The following NEO1 variants were observed in gnomAD, a reference collection of about 807,000 sequenced individuals.
The protein encoded by NEO1 is neogenin 1, also known as neogenin.
NEO1 carries 63 observed loss-of-function variants against 159.7 expected under a neutral mutation model. The ratio of observed to expected loss-of-function variants is 0.39; its 90% CI spans 0.32 to 0.49. The LOEUF (loss-of-function observed/expected upper bound fraction) is 0.49, where lower values mean the gene tolerates loss of function less well. Ranked by LOEUF, NEO1 falls within the 20% of genes least tolerant of loss-of-function variation. The pLI is 0.85. For synonymous variants in NEO1, 633 were observed against 662.0 expected (o/e 0.96, Z 0.67); for missense variants, 1,615 against 1,831.0 (o/e 0.88, Z 2.15).
In NEO1 at chr15:73,236,345, A is replaced by G. The variant is rs1258216395; in HGVS notation, c.1292-2A>G. 1.2e-6 allele frequency: 2 copies of G among 1,613,990 alleles called. No homozygotes were observed. Among genetic ancestry groups the G allele is most frequent in the Non-Finnish European group, 1.7e-6 (2 of 1,180,028 alleles). Reference sequence around the variant, plus strand: ...TGACCAGTGCCACTACTGACCATCTAGCACCAGCCACAACGGGACCACTGC... The same window carrying G: ...TGACCAGTGCCACTACTGACCATCTGGCACCAGCCACAACGGGACCACTGC... On this transcript the variant is annotated splice_acceptor_variant, in intron 7 of 28. Coordinates refer to ENST00000261908, the MANE Select transcript of NEO1 (RefSeq NM_002499.4). LOFTEE classifies it high-confidence loss of function.
At chr15:73,081,686 C>T (rs753480034) in intron 1 of NEO1, among the ~76,000 whole-genome samples, 1 of 151,862 alleles carries the variant, frequency 6.6e-6, no homozygotes, top group Non-Finnish European at 1.5e-5. Flanking sequence ...AGCAATCTTC[C>T]CACCTTAGCC....
chr15:73,071,221 G>A (rs1206525979), intron 1 of NEO1, among the ~76,000 whole-genome samples: 2 of 152,072 alleles, frequency 1.3e-5, no homozygotes, highest in Non-Finnish European at 2.9e-5. Flanking sequence ...GTGCAGGCAT[G>A]AACCATCGTG....
In NEO1 at chr15:73,224,032, A is replaced by G. The variant is rs560264514; in HGVS notation, c.1292-12315A>G. Among the ~76,000 whole-genome samples the G allele has an allele frequency of 8.1e-4, 124 of 152,292 alleles. 2 individuals carry two copies. The South Asian group carries it at 0.018, about 22-fold the overall frequency. ...TCTTTCAGCATTTGCTTGTCTGGAA[A>G]AGACTGTATCTTTCCTTCATATGTG... On this transcript the variant is annotated intron_variant, in intron 7 of 28. Transcript: ENST00000261908.
At chr15:73,271,768 G>T (rs916396596) in intron 18 of NEO1, among the ~76,000 whole-genome samples, 2 of 152,004 alleles carry the variant, frequency 1.3e-5, no homozygotes, top group Non-Finnish European at 2.9e-5. Flanking sequence ...TTAGCTGGAT[G>T]TGGTGGTGCG....
intron 5 of NEO1, among the ~76,000 whole-genome samples, chr15:73,155,042 A>C (rs188570374): frequency 6.7e-6 from 1 of 149,972 alleles, no homozygotes; most frequent in East Asian, 2.0e-4. Flanking sequence ...TTGTGTTGTC[A>C]TGGTGGTGAA....
intron 19 of NEO1, among the ~76,000 whole-genome samples, chr15:73,273,465 C>T (rs962721153): frequency 2.0e-5 from 3 of 152,110 alleles, no homozygotes; most frequent in Non-Finnish European, 2.9e-5. Context: ...CTTTTAAAAC[C>T]GGCAACAGCG....
intron 7 of NEO1, among the ~76,000 whole-genome samples, chr15:73,209,233 C>T (rs2037410756): frequency 6.6e-6 from 1 of 152,162 alleles, no homozygotes; most frequent in Non-Finnish European, 1.5e-5. Flanking sequence ...TTGAGAGACA[C>T]CATTGGGAAC....
intron 7 of NEO1, among the ~76,000 whole-genome samples, chr15:73,228,854 T>G (rs1250705439): frequency 6.6e-6 from 1 of 152,156 alleles, no homozygotes; most frequent in South Asian, 2.1e-4. Context: ...CATTGAAATT[T>G]CTTGACACCT....
At chr15:73,123,711 C>T (rs1186519946) in intron 3 of NEO1, among the ~76,000 whole-genome samples, 10 of 152,128 alleles carry the variant, frequency 6.6e-5, no homozygotes, top group Non-Finnish European at 1.5e-4. Flanking sequence ...CCCCTCTAGC[C>T]TTTTGGTGTT....
intron 1 of NEO1, among the ~76,000 whole-genome samples, chr15:73,094,986 G>A (rs976794582): frequency 2.6e-5 from 4 of 152,150 alleles, no homozygotes; most frequent in East Asian, 3.9e-4. Context: ...TGAGGCGGGC[G>A]GATCACGAGG....
At chr15:73,097,667 C>T (rs1223440096) in intron 1 of NEO1, among the ~76,000 whole-genome samples, 1 of 151,614 alleles carries the variant, frequency 6.6e-6, no homozygotes, top group Non-Finnish European at 1.5e-5. Context: ...AGCCCAGAGC[C>T]TCTTTTGAGT....
intron 23 of NEO1, among the ~76,000 whole-genome samples, chr15:73,287,437 C>G (rs1387317207): frequency 6.6e-6 from 1 of 152,236 alleles, no homozygotes; most frequent in Non-Finnish European, 1.5e-5. Flanking sequence ...GCACAGCAGT[C>G]TAGCACAGGG....
intron 22 of NEO1, among the ~76,000 whole-genome samples, chr15:73,281,663 A>G (rs2041723941): frequency 1.3e-5 from 2 of 152,184 alleles, no homozygotes; most frequent in Admixed American, 6.5e-5. Flanking sequence ...TCCAATAACT[A>G]AAGATGCATT....
chr15:73,142,091 C>CTTT (rs139318789), intron 5 of NEO1, among the ~76,000 whole-genome samples: 46 of 147,324 alleles, frequency 3.1e-4, no homozygotes, highest in African/African-American at 1.1e-3. Context: ...GGATTAAACT[C>CTTT]TTTTTTTTTT....
chr15:73,175,489 G>A (rs943058238), intron 5 of NEO1, among the ~76,000 whole-genome samples: 2 of 152,302 alleles, frequency 1.3e-5, no homozygotes, highest in African/African-American at 2.4e-5. Flanking sequence ...TTTTTAAGAC[G>A]TCAAGTTGCC....
At chr15:73,247,505 G>C (rs2039857118) in intron 9 of NEO1, among the ~76,000 whole-genome samples, 1 of 152,134 alleles carries the variant, frequency 6.6e-6, no homozygotes, top group African/African-American at 2.4e-5. Flanking sequence ...CACCTGTCAG[G>C]CTGCACAAAA....
At chr15:73,073,960 C>G (rs914357041) in intron 1 of NEO1, among the ~76,000 whole-genome samples, 3 of 152,150 alleles carry the variant, frequency 2.0e-5, no homozygotes, top group African/African-American at 7.2e-5. Flanking sequence ...ATGAAAAATG[C>G]ATAAACAGTA....
At chr15:73,233,975 T>G (rs142740708) in intron 7 of NEO1, among the ~76,000 whole-genome samples, 151 of 152,308 alleles carry the variant, frequency 9.9e-4, no homozygotes, top group African/African-American at 3.4e-3. Context: ...ACCTCGCATA[T>G]TAGAAGAGTC....
intron 5 of NEO1, among the ~76,000 whole-genome samples, chr15:73,163,819 C>A (rs192943150): frequency 6.6e-6 from 1 of 152,156 alleles, no homozygotes; most frequent in East Asian, 1.9e-4. Context: ...AATTATTATT[C>A]CTGTTCATGA....
Sources: gnomAD v4.1 joint callset for allele counts (sites outside exome capture counted in the v4.1 genomes callset) on GRCh38, gnomAD v4.1.1 for gene constraint, MANE v1.5 for transcripts, NCBI Gene and HGNC (gene_info 2026-07-23, HGNC 2026-07-21) for gene names.